The following STK32C variants were observed in gnomAD, a reference collection of about 807,000 sequenced individuals.
STK32C encodes serine/threonine kinase 32C.
STK32C carries 31 observed loss-of-function variants against 56.5 expected under a neutral mutation model. That is an observed-to-expected ratio of 0.55 (90% confidence interval 0.41 to 0.74). The LOEUF (loss-of-function observed/expected upper bound fraction) is 0.74, where lower values mean the gene tolerates loss of function less well. Among genes scored for constraint, STK32C ranks in the 30% least tolerant of loss-of-function variants. STK32C has a pLI of 0.00. For missense variants in STK32C, 544 were observed against 676.9 expected, an observed-to-expected ratio of 0.80 and a Z score of 2.18; for synonymous variants, 309 against 289.4, an observed-to-expected ratio of 1.07 and a Z score of -0.69.
downstream of STK32C, among the ~76,000 whole-genome samples, chr10:132,320,446 T>C (rs930207356): frequency 6.6e-6 from 1 of 151,906 alleles, no homozygotes; most frequent in African/African-American, 2.4e-5. Context: ...AAGTGAAAAC[T>C]TAAGAGTGGG....
chr10:132,272,284 G>A (rs556501143), intron 1 of STK32C, among the ~76,000 whole-genome samples: 73 of 152,332 alleles, frequency 4.8e-4, no homozygotes, highest in South Asian at 2.5e-3. Context: ...CGCTGCCCAC[G>A]AGCCAAGGAG....
At chr10:132,329,945 G>A (rs2066605809) in intron 1 of STK32C, among the ~76,000 whole-genome samples, 1 of 152,022 alleles carries the variant, frequency 6.6e-6, no homozygotes, top group African/African-American at 2.4e-5. Context: ...GCAATGCCAC[G>A]GGCAGCAAAC....
intron 1 of STK32C, among the ~76,000 whole-genome samples, chr10:132,316,493 C>T (rs558456565): frequency 6.6e-6 from 1 of 152,106 alleles, no homozygotes; most frequent in East Asian, 1.9e-4. Context: ...GTGGCATGCA[C>T]CTGTAGTCCC....
At chr10:132,313,425 T>C (rs961934768) in intron 1 of STK32C, among the ~76,000 whole-genome samples, 7 of 152,210 alleles carry the variant, frequency 4.6e-5, no homozygotes, top group African/African-American at 7.2e-5. Context: ...ACCTGCTCCA[T>C]GCTAGGCACT....
At chr10:132,249,306 C>T (rs1460824725) in intron 1 of STK32C, among the ~76,000 whole-genome samples, 2 of 152,100 alleles carry the variant, frequency 1.3e-5, no homozygotes, top group African/African-American at 4.8e-5. Flanking sequence ...CACAACTGTC[C>T]CTGCTTCCTA....
chr10:132,245,787 G>A, intron 2 of STK32C, 113 bp downstream of exon 2: 1 of 1,081,546 alleles, frequency 9.2e-7, no homozygotes, highest in Non-Finnish European at 1.4e-6. Context: ...GCCCAGGTAA[G>A]GCTGCTTCTC....
At chr10:132,280,638 G>GACAGTCCACTCCATGATCACC (rs2065162151) in intron 1 of STK32C, among the ~76,000 whole-genome samples, 1 of 91,382 alleles carries the variant, frequency 1.1e-5, no homozygotes, top group Non-Finnish European at 2.7e-5. Flanking sequence ...CCGTGATCAC[G>GACAGTCCACTCCATGATCACC]ACACTCCACT....
At chr10:132,326,869 T>A (rs890398741) in intron 1 of STK32C, among the ~76,000 whole-genome samples, 1 of 152,178 alleles carries the variant, frequency 6.6e-6, no homozygotes, top group African/African-American at 2.4e-5. Flanking sequence ...ATTCAGCTGG[T>A]TGGGGGACTC....
At chr10:132,253,029 C>G (rs1430275950) in intron 1 of STK32C, among the ~76,000 whole-genome samples, 1 of 152,208 alleles carries the variant, frequency 6.6e-6, no homozygotes, top group Non-Finnish European at 1.5e-5. Context: ...GCCCCACAAT[C>G]AGAGATAGGT....
chr10:132,279,695 A>G (rs1590370855), intron 1 of STK32C, among the ~76,000 whole-genome samples: 1 of 147,322 alleles, frequency 6.8e-6, no homozygotes, highest in East Asian at 2.0e-4. Flanking sequence ...ACGACACTCC[A>G]CTCCGTGATC....
chr10:132,219,353 C>T (rs545113417), intron 10 of STK32C, among the ~76,000 whole-genome samples: 21 of 152,184 alleles, frequency 1.4e-4, no homozygotes, highest in South Asian at 4.2e-4. Context: ...CAACCCAAGA[C>T]AAAGCCGAGC....
chr10:132,219,207 A>C (rs574390241), intron 10 of STK32C, among the ~76,000 whole-genome samples: 7 of 152,330 alleles, frequency 4.6e-5, no homozygotes, highest in Non-Finnish European at 7.3e-5. Flanking sequence ...ATTGCATGGA[A>C]TGTGAATTAT....
chr10:132,273,140 T>C (rs1002712647), intron 1 of STK32C, among the ~76,000 whole-genome samples: 1 of 152,236 alleles, frequency 6.6e-6, no homozygotes, highest in Non-Finnish European at 1.5e-5. Context: ...CCTATACATT[T>C]ACTTAGCTTC....
At chr10:132,292,065 T>G (rs1222735134) in intron 1 of STK32C, among the ~76,000 whole-genome samples, 1 of 152,126 alleles carries the variant, frequency 6.6e-6, no homozygotes, top group African/African-American at 2.4e-5. Context: ...CTACAGGGAC[T>G]GAGCACCTCC....
chr10:132,228,999 C>G (rs1042343394), intron 2 of STK32C, among the ~76,000 whole-genome samples: 2 of 152,218 alleles, frequency 1.3e-5, no homozygotes, highest in African/African-American at 4.8e-5. Flanking sequence ...CGCAAACACA[C>G]GGCTAATTGC....
intron 1 of STK32C, among the ~76,000 whole-genome samples, chr10:132,297,412 T>C (rs1228309354): frequency 1.3e-5 from 2 of 152,072 alleles, no homozygotes; most frequent in Non-Finnish European, 2.9e-5. Flanking sequence ...CCACCTACAA[T>C]TCCCAGCCCC....
intron 1 of STK32C, among the ~76,000 whole-genome samples, chr10:132,293,821 G>A (rs570588524): frequency 1.6e-4 from 24 of 152,288 alleles, no homozygotes; most frequent in Admixed American, 5.2e-4. Context: ...GGACAGCCCC[G>A]AGGAAGCCCT....
chr10:132,229,983 G>T (rs1161391899), intron 2 of STK32C, among the ~76,000 whole-genome samples: 1 of 152,220 alleles, frequency 6.6e-6, no homozygotes, highest in Non-Finnish European at 1.5e-5. Context: ...GGAGGGGAAA[G>T]CTGAGCCTGA....
chr10:132,219,823 A>G (rs921970334), intron 10 of STK32C, among the ~76,000 whole-genome samples: 3 of 152,128 alleles, frequency 2.0e-5, no homozygotes, highest in Admixed American at 6.5e-5. Context: ...GAGGGGACTG[A>G]CACCCGTCTT....
Sources: gnomAD v4.1 joint callset for allele counts (sites outside exome capture counted in the v4.1 genomes callset) on GRCh38, gnomAD v4.1.1 for gene constraint, MANE v1.5 for transcripts, NCBI Gene and HGNC (gene_info 2026-07-23, HGNC 2026-07-21) for gene names.